WDR41: variants seen among roughly 807,000 people sequenced by gnomAD.
WDR41 encodes the protein WD repeat domain 41, also known as WD repeat-containing protein 41.
WDR41 carries 63 observed loss-of-function variants against 69.3 expected under a neutral mutation model. The ratio of observed to expected loss-of-function variants is 0.91; its 90% confidence interval spans 0.74 to 1.12. WDR41 has a LOEUF of 1.12. WDR41 is among the 50% of genes most tolerant of loss of function. The pLI is 0.00. For missense variants in WDR41, 543 were observed against 534.5 expected, an observed-to-expected ratio of 1.02 and a Z score of -0.16; for synonymous variants, 185 against 192.1, an observed-to-expected ratio of 0.96 and a Z score of 0.31.
At chr5:77,463,349 C>T in intron 3 of WDR41, 123 bp from the exon 4 acceptor site, 1 of 832,438 alleles carries the variant, frequency 1.2e-6, no homozygotes, top group Non-Finnish European at 1.7e-6. Flanking sequence ...ATTACTTATT[C>T]AGAATTTAAC....
At chr5:77,483,188 A>G (rs536705852) in intron 2 of WDR41, among the ~76,000 whole-genome samples, 1 of 152,232 alleles carries the variant, frequency 6.6e-6, no homozygotes, top group Non-Finnish European at 1.5e-5. Context: ...TCCAGGCTAC[A>G]GTCAGTGGCC....
chr5:77,484,538 TA>T (rs1561198105), intron 2 of WDR41, among the ~76,000 whole-genome samples: 2 of 152,186 alleles, frequency 1.3e-5, no homozygotes, highest in African/African-American at 4.8e-5. Context: ...ATTAATATTG[TA>T]GCTGCTGGAA....
At chr5:77,504,182 A>G (rs1241712338) in intron 1 of WDR41, among the ~76,000 whole-genome samples, 1 of 152,182 alleles carries the variant, frequency 6.6e-6, no homozygotes. Context: ...GCAATAAAAA[A>G]TGATAAAGGG....
At chr5:77,593,085 G>A (rs930176093) in intron 1 of WDR41, among the ~76,000 whole-genome samples, 2 of 152,184 alleles carry the variant, frequency 1.3e-5, no homozygotes, top group Non-Finnish European at 2.9e-5. Context: ...AAGCCCTGAG[G>A]TGGGGACATG....
intron 1 of WDR41, among the ~76,000 whole-genome samples, chr5:77,617,846 A>G (rs1744705554): frequency 6.6e-6 from 1 of 152,162 alleles, no homozygotes; most frequent in Admixed American, 6.5e-5. Flanking sequence ...GTGTAGGAAT[A>G]GTCTCATAAA....
intron 1 of WDR41, among the ~76,000 whole-genome samples, chr5:77,551,993 A>C (rs566007037): frequency 2.8e-3 from 70 of 24,654 alleles, no homozygotes; most frequent in African/African-American, 0.01. Flanking sequence ...AATAAAATAA[A>C]ATAAAATAAA....
intron 2 of WDR41, among the ~76,000 whole-genome samples, chr5:77,482,918 C>T (rs771431155): frequency 2.6e-5 from 4 of 151,696 alleles, no homozygotes; most frequent in Non-Finnish European, 5.9e-5. Context: ...AACCTCCACC[C>T]CCACTCCCAT....
intron 4 of WDR41, 61 bp from the exon 5 acceptor site, chr5:77,459,185 C>A: frequency 8.1e-7 from 1 of 1,237,024 alleles, no homozygotes. Flanking sequence ...TATAACTTTT[C>A]TAATTAACAA....
At chr5:77,616,357 C>T (rs963046278) in intron 1 of WDR41, among the ~76,000 whole-genome samples, 4 of 152,180 alleles carry the variant, frequency 2.6e-5, no homozygotes, top group African/African-American at 9.7e-5. Flanking sequence ...CTGCAGATTT[C>T]CATGCACATC....
intron 2 of WDR41, among the ~76,000 whole-genome samples, chr5:77,465,729 T>C (rs1392694584): frequency 2.6e-5 from 4 of 151,900 alleles, no homozygotes; most frequent in African/African-American, 9.7e-5. Context: ...GGCTTTTTTT[T>C]TTTTTCAGTA....
intron 1 of WDR41, among the ~76,000 whole-genome samples, chr5:77,593,973 TAAG>T (rs1744174781): frequency 6.6e-6 from 1 of 152,008 alleles, no homozygotes; most frequent in South Asian, 2.1e-4. Flanking sequence ...CCTGTCCAAA[TAAG>T]AAAGGGGGCA....
chr5:77,517,631 C>CGTATATATATATATATAT (rs1279821785), intron 1 of WDR41, among the ~76,000 whole-genome samples: 1 of 141,138 alleles, frequency 7.1e-6, no homozygotes, highest in African/African-American at 2.7e-5. Context: ...ATTTATTGAA[C>CGTATATATATATATATAT]ATATATATAT....
At position 77,594,814 on chromosome 5, in the gene WDR41, T is replaced by A. The variant is rs542594289; in HGVS notation, c.42+25665A>T. ...TGCATTATGCGGAAAAATGTGTTAC[T>A]TTCATCTTAATTTAAAAGACAACAT... On this transcript the variant is annotated intron_variant, in intron 1 of 5. Transcript: ENST00000509971. 7.9e-5 allele frequency among the ~76,000 whole-genome samples: 12 copies of A among 152,340 alleles called. No individual in the cohort carries two copies. The East Asian group carries it at 1.5e-3, about 20-fold the overall frequency.
intron 1 of WDR41, among the ~76,000 whole-genome samples, chr5:77,520,343 T>C (rs1033485548): frequency 1.3e-5 from 2 of 152,194 alleles, no homozygotes; most frequent in Non-Finnish European, 2.9e-5. Flanking sequence ...ATCTTTAAGA[T>C]CTTTTCCAGC....
At chr5:77,452,617 A>G (rs1220413400) in intron 6 of WDR41, 1 of 152,210 alleles carries the variant, frequency 6.6e-6, no homozygotes, top group Non-Finnish European at 1.5e-5. Context: ...ACTATTAACA[A>G]TCTGGCCTCC....
At chr5:77,482,348 G>A (rs755919169) in intron 2 of WDR41, among the ~76,000 whole-genome samples, 14 of 152,088 alleles carry the variant, frequency 9.2e-5, no homozygotes, top group Non-Finnish European at 1.8e-4. Flanking sequence ...TTAGCTGATC[G>A]TAATTTTTTA....
At chr5:77,599,452 G>C (rs1321969886) in intron 1 of WDR41, among the ~76,000 whole-genome samples, 1 of 151,908 alleles carries the variant, frequency 6.6e-6, no homozygotes, top group Non-Finnish European at 1.5e-5. Context: ...TGCCTGCCTC[G>C]GCCTCCCAAA....
At chr5:77,489,426 A>G in intron 2 of WDR41, 31 bp downstream of exon 2, 1 of 1,376,040 alleles carries the variant, frequency 7.3e-7, no homozygotes. Flanking sequence ...CTTCCCAAAC[A>G]ATAGTCAATT....
intron 12 of WDR41, among the ~76,000 whole-genome samples, chr5:77,434,288 G>A (rs1002594217): frequency 5.3e-5 from 8 of 152,052 alleles, no homozygotes; most frequent in African/African-American, 1.9e-4. Flanking sequence ...TCCAACCTGG[G>A]CAACAAGAGC....
Sources: allele counts gnomAD v4.1 joint callset (sites outside exome capture counted in the v4.1 genomes callset), GRCh38; gene constraint gnomAD v4.1.1; transcripts MANE v1.5; gene names NCBI Gene and HGNC (gene_info 2026-07-23, HGNC 2026-07-21).